SYT9: variants seen among roughly 807,000 people sequenced by gnomAD.
The protein encoded by SYT9 is synaptotagmin-9.
Under a neutral mutation model 48.4 loss-of-function variants are expected in SYT9, and 22 were observed. The ratio of observed to expected loss-of-function variants is 0.45; its 90% CI spans 0.32 to 0.65. The LOEUF (loss-of-function observed/expected upper bound fraction) is 0.65. Among genes scored for constraint, SYT9 ranks in the 30% least tolerant of loss-of-function variants. The probability of loss-of-function intolerance (pLI) is 0.03; values close to 1 mark genes in which losing one functional copy is unlikely to be tolerated. For synonymous variants in SYT9, 265 were observed against 245.0 expected (o/e 1.08, Z -0.76); for missense variants, 577 against 622.0 (o/e 0.93, Z 0.77).
intron 3 of SYT9, among the ~76,000 whole-genome samples, chr11:7,409,447 A>G (rs1352966491): frequency 1.3e-5 from 2 of 152,050 alleles, no homozygotes; most frequent in Non-Finnish European, 2.9e-5. Flanking sequence ...GAGGATTTGT[A>G]TTAGTTCTTC....
At chr11:7,302,881 G>A (rs1005356103) in intron 1 of SYT9, among the ~76,000 whole-genome samples, 158 bp from the exon 2 acceptor site, 13 of 152,070 alleles carry the variant, frequency 8.5e-5, no homozygotes, top group East Asian at 1.9e-4. Flanking sequence ...CATTGTCACC[G>A]TCCCAGAATT....
intron 3 of SYT9, among the ~76,000 whole-genome samples, chr11:7,385,142 G>A (rs1024534564): frequency 6.6e-6 from 1 of 152,022 alleles, no homozygotes; most frequent in Non-Finnish European, 1.5e-5. Flanking sequence ...GTGCATGTGT[G>A]TATAATTTAT....
chr11:7,365,274 C>T (rs1334302552), intron 3 of SYT9, among the ~76,000 whole-genome samples: 1 of 151,956 alleles, frequency 6.6e-6, no homozygotes, highest in African/African-American at 2.4e-5. Context: ...ATGCTTCAGT[C>T]TAAAAAAATC....
At chr11:7,390,676 T>G (rs1850746085) in intron 3 of SYT9, among the ~76,000 whole-genome samples, 1 of 152,178 alleles carries the variant, frequency 6.6e-6, no homozygotes, top group African/African-American at 2.4e-5. Context: ...ATACATTGTT[T>G]CCAAGTGCAT....
chr11:7,440,207 T>C (rs191116580), intron 6 of SYT9: 10 of 152,304 alleles, frequency 6.6e-5, no homozygotes, highest in African/African-American at 2.4e-4. Flanking sequence ...TTTCACATAG[T>C]TTCCCACAGT....
intron 3 of SYT9, among the ~76,000 whole-genome samples, chr11:7,367,416 T>G (rs924006213): frequency 6.6e-6 from 1 of 152,090 alleles, no homozygotes; most frequent in Non-Finnish European, 1.5e-5. Context: ...CTTTCATTTT[T>G]GCTTTAGTTG....
intron 1 of SYT9, among the ~76,000 whole-genome samples, chr11:7,283,891 T>C (rs1848550681): frequency 6.6e-6 from 1 of 152,194 alleles, no homozygotes; most frequent in Non-Finnish European, 1.5e-5. Context: ...AATTAGTAAC[T>C]ACCCAGCCTT....
intron 3 of SYT9, 112 bp from the exon 4 acceptor site, chr11:7,415,930 C>T (rs1590012210): frequency 1.5e-6 from 2 of 1,334,686 alleles, no homozygotes; most frequent in East Asian, 4.6e-5. Context: ...AGGGATTCTA[C>T]AAGCTGAGCA....
chr11:7,414,896 C>T (rs1218641831), intron 3 of SYT9, among the ~76,000 whole-genome samples: 1 of 152,164 alleles, frequency 6.6e-6, no homozygotes, highest in Non-Finnish European at 1.5e-5. Context: ...ATCCCCAGAG[C>T]ATTGTCAGTA....
At chr11:7,444,020 G>A (rs1475182993) in intron 6 of SYT9, among the ~76,000 whole-genome samples, 1 of 152,182 alleles carries the variant, frequency 6.6e-6, no homozygotes, top group South Asian at 2.1e-4. Context: ...CTACAAAAAG[G>A]GTACAGACTC....
At chr11:7,336,205 A>G (rs1849627813) in intron 3 of SYT9, among the ~76,000 whole-genome samples, 1 of 152,030 alleles carries the variant, frequency 6.6e-6, no homozygotes, top group East Asian at 1.9e-4. Flanking sequence ...TTCTCTTGAA[A>G]ATTTGTTTAC....
chr11:7,346,291 A>G (rs1166306150), intron 3 of SYT9, among the ~76,000 whole-genome samples: 1 of 152,096 alleles, frequency 6.6e-6, no homozygotes, highest in East Asian at 1.9e-4. Context: ...CTGACAGCTA[A>G]GAGCCAGTAG....
chr11:7,381,987 A>G (rs991049540), intron 3 of SYT9, among the ~76,000 whole-genome samples: 1 of 152,142 alleles, frequency 6.6e-6, no homozygotes, highest in Non-Finnish European at 1.5e-5. Flanking sequence ...TCATCTCCAC[A>G]AGCAGAACCA....
At chr11:7,444,696 G>C (rs1225233946) in intron 6 of SYT9, 1 of 152,128 alleles carries the variant, frequency 6.6e-6, no homozygotes, top group Non-Finnish European at 1.5e-5. Flanking sequence ...GTATCTCCTG[G>C]CTTGTGGTTG....
chr11:7,369,231 G>A (rs1850307345), intron 3 of SYT9, among the ~76,000 whole-genome samples: 1 of 117,504 alleles, frequency 8.5e-6, no homozygotes, highest in South Asian at 3.9e-4. Flanking sequence ...CTCTAATGAT[G>A]ATGAGCTTTT....
chr11:7,424,987 G>A (rs1425476056), intron 6 of SYT9, among the ~76,000 whole-genome samples: 1 of 152,092 alleles, frequency 6.6e-6, no homozygotes, highest in African/African-American at 2.4e-5. Flanking sequence ...CCTCTAGAAG[G>A]GTATAAACTT....
intron 3 of SYT9, among the ~76,000 whole-genome samples, chr11:7,362,524 C>T (rs1850160948): frequency 6.6e-6 from 1 of 152,116 alleles, no homozygotes; most frequent in South Asian, 2.1e-4. Flanking sequence ...ATATTTTTAA[C>T]TGGGCCCATG....
intron 6 of SYT9, among the ~76,000 whole-genome samples, chr11:7,429,099 G>A (rs1420338295): frequency 1.3e-5 from 2 of 152,114 alleles, no homozygotes; most frequent in East Asian, 1.9e-4. Context: ...CCCATACACC[G>A]ACAGAGTGAA....
chr11:7,365,817 G>A (rs1325691645), intron 3 of SYT9, among the ~76,000 whole-genome samples: 5 of 152,104 alleles, frequency 3.3e-5, no homozygotes, highest in East Asian at 3.9e-4. Context: ...GAGCAGGATC[G>A]GGTCGTATTT....
Sources: allele counts gnomAD v4.1 joint callset (sites outside exome capture counted in the v4.1 genomes callset), GRCh38; gene constraint gnomAD v4.1.1; transcripts MANE v1.5; gene names NCBI Gene and HGNC (gene_info 2026-07-23, HGNC 2026-07-21).